PENK: variants seen among roughly 807,000 people sequenced by gnomAD.
The protein encoded by PENK is proenkephalin-A.
In PENK, 25 loss-of-function variants were observed where a neutral mutation model predicts 24.1. The observed-to-expected ratio is 1.04, with a 90% CI of 0.76 to 1.45. The LOEUF (loss-of-function observed/expected upper bound fraction) is 1.45. PENK is among the 40% of genes most tolerant of loss of function. The probability of loss-of-function intolerance (pLI) is 0.00; values close to 1 mark genes in which losing one functional copy is unlikely to be tolerated. For missense variants in PENK, 353 were observed against 337.9 expected, an observed-to-expected ratio of 1.04 and a Z score of -0.35; for synonymous variants, 135 against 130.3, an observed-to-expected ratio of 1.04 and a Z score of -0.24.
intron 3 of PENK, among the ~76,000 whole-genome samples, chr8:56,442,913 G>GACAC (rs1463557706): frequency 6.6e-6 from 1 of 151,990 alleles, no homozygotes; most frequent in African/African-American, 2.4e-5. Context: ...ACTTGGGTAT[G>GACAC]ATAAAGAGAG....
intron 3 of PENK, among the ~76,000 whole-genome samples, chr8:56,442,542 A>T (rs892708001): frequency 5.3e-5 from 8 of 152,120 alleles, no homozygotes; most frequent in Admixed American, 1.3e-4. Flanking sequence ...CTCAATTTAA[A>T]TCTGATGAAT....
intron 3 of PENK, chr8:56,443,818 T>G: frequency 3.7e-6 from 2 of 542,636 alleles, no homozygotes; most frequent in African/African-American, 1.9e-5. Context: ...AATCAGTTAT[T>G]ATGCAAAATG....
intron 3 of PENK, among the ~76,000 whole-genome samples, chr8:56,443,096 C>A (rs1804588878): frequency 6.6e-6 from 1 of 152,016 alleles, no homozygotes. Context: ...ATTAGTGCAA[C>A]AAAATCTTGA....
intron 3 of PENK, chr8:56,443,905 TC>T: frequency 1.4e-6 from 1 of 695,342 alleles, no homozygotes; most frequent in Non-Finnish European, 2.6e-6. Flanking sequence ...CACGTGCCAT[TC>T]CATCACCTGG....
intron 2 of PENK, 52 bp downstream of exon 2, chr8:56,446,374 A>G: frequency 5.0e-6 from 1 of 200,340 alleles, no homozygotes. Flanking sequence ...GAGGGCGGGC[A>G]GACGTCCCCA....
intron 3 of PENK, chr8:56,443,767 T>C (rs1395268347): frequency 4.7e-6 from 2 of 423,234 alleles, no homozygotes; most frequent in African/African-American, 2.0e-5. Flanking sequence ...AAACCTTTTG[T>C]CATTGAGACA....
intron 3 of PENK, 149 bp from the exon 4 acceptor site, chr8:56,442,086 A>G (rs1181596143): frequency 4.8e-6 from 3 of 628,026 alleles, no homozygotes; most frequent in Non-Finnish European, 8.2e-6. Flanking sequence ...ACGACTTTTC[A>G]TAAGGCTGAG....
rs1262362401 is a variant in PENK at position 56,441,423 on chromosome 8, C to T, written c.653G>A (p.Gly218Asp). 1 of 1,614,036 alleles carries T rather than the reference C, an allele frequency of 6.2e-7. No individual in the cohort carries two copies. The highest frequency in any genetic ancestry group is 8.5e-7 in the Non-Finnish European group (1 of 1,180,036). Residue 218 changes from glycine to aspartate, a missense_variant, in exon 4 of 4, where the codon GGT (glycine) becomes GAT (aspartate). Physicochemically the swap from Gly to Asp is moderately conservative, Grantham distance 94. Coordinates refer to ENST00000451791, the MANE Select transcript of PENK (RefSeq NM_001135690.3). Reference protein sequence around the residue: ...KRYGGFMRRVGRPEWWMDYQK... With the variant: ...KRYGGFMRRVDRPEWWMDYQK... ...GTAGTCCATCCACCACTCTGGGCGA[C>T]CTACTCTTCTCATGAAGCCCCCATA...
rs1409527600 is a variant in PENK, at chr8:56,441,062, G to A, written c.*210C>T. On this transcript the variant is annotated 3_prime_UTR_variant, in exon 4 of 4. Coordinates refer to ENST00000451791, the MANE Select transcript of PENK (RefSeq NM_001135690.3). ...ACAAAAACTATTTTAGCATGAAAACGAGATAGCTGCAATAGACTAATACTG... is the reference window on the plus strand; with the variant it reads ...ACAAAAACTATTTTAGCATGAAAACAAGATAGCTGCAATAGACTAATACTG... 11 of 465,442 alleles carry A rather than the reference G, an allele frequency of 2.4e-5. No homozygotes were observed. The highest frequency in any genetic ancestry group is 3.4e-5 in the Non-Finnish European group (9 of 262,572). 28.8% of individuals were successfully genotyped at this position (465,442 alleles called of 1,614,324 possible). A position where few individuals can be genotyped will look rare whatever the true frequency, so the allele number is the denominator to read the frequency against.
At chr8:56,445,692 C>G (rs3808634) in intron 3 of PENK, 124 bp downstream of exon 3, 67 of 1,270,014 alleles carry the variant, frequency 5.3e-5, no homozygotes, top group Non-Finnish European at 7.2e-5. Flanking sequence ...GGGCTCGCGC[C>G]GCTGCGGCTC....
At position 56,441,297 on chromosome 8, in the gene PENK, C is replaced by CT; in HGVS notation, c.778dup (p.Arg260LysfsTer32). 1 of 1,606,700 alleles carries CT rather than the reference C, an allele frequency of 6.2e-7. No individual in the cohort carries two copies. The highest frequency in any genetic ancestry group is 8.5e-7 in the Non-Finnish European group (1 of 1,176,588). On this transcript the variant is annotated frameshift_variant, in exon 4 of 4. Transcript: ENST00000451791. LOFTEE classifies it high-confidence loss of function. ...TTAAAATCTCATAAATCCTCCGTAT[C>CT]TTTTTTCCATTTCAGGAACTTCTTT...
At position 56,441,478 on chromosome 8, in the gene PENK, C is replaced by T. The variant is rs1468768208; in HGVS notation, c.598G>A (p.Glu200Lys). The change falls in exon 4 of 4, where the codon GAA (glutamate) becomes AAA (lysine). Residue 200 changes from glutamate (E) to lysine (K), a missense_variant. Coordinates refer to ENST00000451791, the MANE Select transcript of PENK (RefSeq NM_001135690.3). ...TTCTGCAGCTCTTTGGCTTCATCTTCCAGTTGGGGGCTTCTCTTTAAGCCT... is the reference window on the plus strand; with the variant it reads ...TTCTGCAGCTCTTTGGCTTCATCTTTCAGTTGGGGGCTTCTCTTTAAGCCT... ...MRGLKRSPQL[E>K]DEAKELQKRY... 2 of 1,613,222 alleles carry T rather than the reference C, an allele frequency of 1.2e-6. No homozygotes were observed. The highest frequency in any genetic ancestry group is 2.2e-5 in the South Asian group (2 of 91,038).
intron 3 of PENK, among the ~76,000 whole-genome samples, chr8:56,444,265 A>G (rs1377466979): frequency 6.6e-6 from 1 of 152,282 alleles, no homozygotes; most frequent in East Asian, 1.9e-4. Context: ...AGTAAATATG[A>G]TACTACTTTG....
intron 3 of PENK, chr8:56,445,439 G>A: frequency 4.2e-6 from 2 of 478,562 alleles, no homozygotes; most frequent in Admixed American, 3.4e-5. Context: ...GCTGGGATAT[G>A]TTAGGAGTTG....
chr8:56,445,901 A>G lies in PENK; in HGVS notation c.53T>C (p.Leu18Pro). ...CTWLLLLGPG[L>P]LATVRAECSQ... Reference sequence around the variant, plus strand: ...GCATTCGGCCCGCACGGTCGCCAGGAGCCCGGGGCCGAGCAACAGCAGCCA... The same window carrying G: ...GCATTCGGCCCGCACGGTCGCCAGGGGCCCGGGGCCGAGCAACAGCAGCCA... The change falls in exon 3 of 4, where the codon CTC becomes CCC. Residue 18 changes from leucine to proline, a missense_variant. Leu to Pro is a moderately conservative substitution (Grantham distance 98). Coordinates refer to ENST00000451791, the MANE Select transcript of PENK (RefSeq NM_001135690.3). 1 of 1,612,650 alleles carries G rather than the reference A, an allele frequency of 6.2e-7. No individual in the cohort carries two copies. Among genetic ancestry groups the G allele is most frequent in the Non-Finnish European group, 8.5e-7 (1 of 1,179,704 alleles).
At chr8:56,443,054 T>C (rs1804588301) in intron 3 of PENK, among the ~76,000 whole-genome samples, 1 of 152,154 alleles carries the variant, frequency 6.6e-6, no homozygotes, top group Admixed American at 6.5e-5. Flanking sequence ...TAAATACACA[T>C]ATATTATTTT....
At chr8:56,443,540 G>C (rs1443176578) in intron 3 of PENK, 1 of 158,818 alleles carries the variant, frequency 6.3e-6, no homozygotes, top group Non-Finnish European at 1.4e-5. Flanking sequence ...CATTAGATGG[G>C]AAATTCTATC....
intron 3 of PENK, among the ~76,000 whole-genome samples, chr8:56,443,177 G>A (rs567910112): frequency 4.6e-5 from 7 of 152,158 alleles, no homozygotes; most frequent in East Asian, 3.9e-4. Context: ...ATATAACTAC[G>A]TAAGAATCTA....
At chr8:56,442,307 T>C (rs1258135727) in intron 3 of PENK, among the ~76,000 whole-genome samples, 1 of 152,218 alleles carries the variant, frequency 6.6e-6, no homozygotes, top group African/African-American at 2.4e-5. Flanking sequence ...TTTGAGATTT[T>C]TCTAACCAAA....
Sources: gnomAD v4.1 joint callset for allele counts (sites outside exome capture counted in the v4.1 genomes callset) on GRCh38, gnomAD v4.1.1 for gene constraint, MANE v1.5 for transcripts, NCBI Gene and HGNC (gene_info 2026-07-23, HGNC 2026-07-21) for gene names.